The following SCHIP1 variants were observed in gnomAD, a reference collection of about 807,000 sequenced individuals.
SCHIP1 encodes the protein schwannomin interacting protein 1.
A neutral mutation model predicts 29.7 loss-of-function variants in SCHIP1; 8 were observed. That is an observed-to-expected ratio of 0.27 (90% CI 0.16 to 0.49). The LOEUF is 0.49. Ranked by LOEUF, SCHIP1 falls within the 20% of genes least tolerant of loss-of-function variation. The probability of loss-of-function intolerance (pLI) is 0.99; values close to 1 mark genes in which losing one functional copy is unlikely to be tolerated. For synonymous variants in SCHIP1, 76 were observed against 94.9 expected, an observed-to-expected ratio of 0.80 and a Z score of 1.16; for missense variants, 193 against 294.6, an observed-to-expected ratio of 0.66 and a Z score of 2.52.
the SCHIP1 span, among the ~76,000 whole-genome samples, chr3:159,424,155 C>T: frequency 1.2e-4 from 18 of 152,016 alleles, no homozygotes; most frequent in South Asian, 6.2e-4. Context: ...TCCAGAGGAA[C>T]GCAGTTCCTC....
At chr3:159,495,531 CTAGCAATCCAACTTACAAGGGAT>C in the SCHIP1 span, among the ~76,000 whole-genome samples, 1 of 152,136 alleles carries the variant, frequency 6.6e-6, no homozygotes, top group East Asian at 1.9e-4. Flanking sequence ...AATAAAATAC[CTAGCAATCCAACTTACAAGGGAT>C]GTGAAGGACC....
chr3:159,493,876 A>G, the SCHIP1 span, among the ~76,000 whole-genome samples: 1 of 152,100 alleles, frequency 6.6e-6, no homozygotes, highest in Non-Finnish European at 1.5e-5. Context: ...AGCAAATGTA[A>G]AAGAACAGAA....
the SCHIP1 span, among the ~76,000 whole-genome samples, chr3:159,633,231 C>T: frequency 6.6e-5 from 10 of 152,196 alleles, no homozygotes; most frequent in African/African-American, 2.4e-4. Flanking sequence ...CTTTCTACTG[C>T]AGGTATCTAT....
the SCHIP1 span, among the ~76,000 whole-genome samples, chr3:159,283,191 C>G: frequency 2.0e-5 from 3 of 152,044 alleles, no homozygotes; most frequent in African/African-American, 7.2e-5. Flanking sequence ...CTCACTCTGT[C>G]GCTCAGGCTG....
At chr3:159,422,721 T>G in the SCHIP1 span, among the ~76,000 whole-genome samples, 7 of 152,246 alleles carry the variant, frequency 4.6e-5, no homozygotes, top group Admixed American at 6.5e-5. Flanking sequence ...GTGTTTGGCT[T>G]CATTTTTCTT....
the SCHIP1 span, among the ~76,000 whole-genome samples, chr3:159,328,157 A>G: frequency 0.017 from 2,606 of 152,318 alleles, 71 homozygotes; most frequent in African/African-American, 0.06. Context: ...TAAAAACTCA[A>G]TTCCTCAGTT....
At chr3:159,550,395 G>C in the SCHIP1 span, among the ~76,000 whole-genome samples, 4 of 151,932 alleles carry the variant, frequency 2.6e-5, no homozygotes, top group African/African-American at 9.7e-5. Context: ...TATATTTTAA[G>C]TGTATGTTAT....
chr3:159,423,120 C>T, the SCHIP1 span, among the ~76,000 whole-genome samples: 56 of 152,352 alleles, frequency 3.7e-4, no homozygotes, highest in African/African-American at 1.2e-3. Flanking sequence ...CAGCTCCCAG[C>T]GTGAGCGAGG....
chr3:159,566,943 A>G, the SCHIP1 span, among the ~76,000 whole-genome samples: 3 of 152,228 alleles, frequency 2.0e-5, no homozygotes, highest in South Asian at 2.1e-4. Flanking sequence ...TCACACTTTT[A>G]TCAGCTTTTG....
chr3:159,752,694 C>T, the SCHIP1 span, among the ~76,000 whole-genome samples: 1 of 152,142 alleles, frequency 6.6e-6, no homozygotes. Flanking sequence ...ATTACGAGAA[C>T]AGCACCAAGG....
At chr3:159,277,161 C>A in the SCHIP1 span, among the ~76,000 whole-genome samples, 1,463 of 152,072 alleles carry the variant, frequency 9.6e-3, 16 homozygotes, top group African/African-American at 0.014. Flanking sequence ...GAAAAAAAAA[C>A]CCCACTTCTC....
At chr3:159,799,787 GCCTTCTCA>G in the SCHIP1 span, among the ~76,000 whole-genome samples, 2 of 152,212 alleles carry the variant, frequency 1.3e-5, no homozygotes, top group Non-Finnish European at 2.9e-5. Flanking sequence ...GATTAAAAGG[GCCTTCTCA>G]GCCTCATTTT....
At chr3:159,846,851 A>G (rs1371341367) in intron 1 of SCHIP1, among the ~76,000 whole-genome samples, 1 of 150,742 alleles carries the variant, frequency 6.6e-6, no homozygotes, top group Admixed American at 6.6e-5. Context: ...AATCAATAAA[A>G]AAATTTTGGA....
At chr3:159,810,256 A>T in the SCHIP1 span, among the ~76,000 whole-genome samples, 1 of 152,034 alleles carries the variant, frequency 6.6e-6, no homozygotes, top group African/African-American at 2.4e-5. Context: ...TATGTTGGCC[A>T]GGCTAGTCTT....
At chr3:159,396,145 C>T in the SCHIP1 span, among the ~76,000 whole-genome samples, 2 of 140,558 alleles carry the variant, frequency 1.4e-5, no homozygotes, top group Non-Finnish European at 3.1e-5. Context: ...ATTCCAACCC[C>T]TGCCTTTTTT....
intron 5 of SCHIP1, among the ~76,000 whole-genome samples, chr3:159,891,257 G>T (rs1717505255): frequency 6.6e-6 from 1 of 152,162 alleles, no homozygotes; most frequent in African/African-American, 2.4e-5. Context: ...CGTAGTTCCA[G>T]CTACTCGGAA....
the SCHIP1 span, among the ~76,000 whole-genome samples, chr3:159,345,554 TTCTCTCTCTCTC>T: frequency 1.1e-5 from 1 of 93,446 alleles, no homozygotes; most frequent in Non-Finnish European, 2.4e-5. Flanking sequence ...GTGTCTCTCT[TTCTCTCTCTCTC>T]TCTCTCTCTC....
the SCHIP1 span, among the ~76,000 whole-genome samples, chr3:159,646,994 C>T: frequency 1.3e-5 from 2 of 151,798 alleles, no homozygotes; most frequent in Admixed American, 1.3e-4. Flanking sequence ...GGAGAGAGAT[C>T]TGGGCTAAGG....
the SCHIP1 span, among the ~76,000 whole-genome samples, chr3:159,436,854 G>C: frequency 1.3e-5 from 2 of 152,016 alleles, no homozygotes; most frequent in Non-Finnish European, 2.9e-5. Context: ...GTATATACCA[G>C]GAGTCTATGC....
Sources: allele counts gnomAD v4.1 joint callset (sites outside exome capture counted in the v4.1 genomes callset), GRCh38; gene constraint gnomAD v4.1.1; transcripts MANE v1.5; gene names NCBI Gene and HGNC (gene_info 2026-07-23, HGNC 2026-07-21).